SEC61A2: variants seen among roughly 807,000 people sequenced by gnomAD.
The protein encoded by SEC61A2 is SEC61 translocon subunit alpha 2.
In SEC61A2, 28 loss-of-function variants were observed where a neutral mutation model predicts 59.9. The observed-to-expected ratio is 0.47, with a 90% CI of 0.35 to 0.64. SEC61A2 has a LOEUF of 0.64. Ranked by LOEUF, SEC61A2 falls within the 30% of genes least tolerant of loss-of-function variation. SEC61A2 has a pLI of 0.01. For synonymous variants in SEC61A2, 202 were observed against 214.4 expected (o/e 0.94, Z 0.50); for missense variants, 340 against 585.9 (o/e 0.58, Z 4.33).
chr10:12,164,470 A>C lies in SEC61A2; in HGVS notation c.*16A>C, dbSNP rs1834614906. ...GTTTTTCTAAATGTTCAAATATTTC[A>C]TTTTGTGCGTGTGAAAGGGAAAACA... On this transcript the variant is annotated 3_prime_UTR_variant, in exon 12 of 12. Transcript: ENST00000298428. This position sits in a 1 kb window ranked among gnomAD's most constrained non-coding sequence, Gnocchi z 7.3. The C allele has an allele frequency of 6.2e-7, 1 of 1,607,142 alleles. No individual in the cohort carries two copies. Among genetic ancestry groups the C allele is most frequent in the Admixed American group, 1.7e-5 (1 of 59,002 alleles).
At chr10:12,135,623 A>G (rs1205402112) in intron 2 of SEC61A2, among the ~76,000 whole-genome samples, 3 of 152,112 alleles carry the variant, frequency 2.0e-5, no homozygotes, top group Non-Finnish European at 2.9e-5. Context: ...CCACCCCTGT[A>G]CCCTTCGGAG....
chr10:12,146,742 T>C (rs1345378537), intron 4 of SEC61A2, among the ~76,000 whole-genome samples: 4 of 151,962 alleles, frequency 2.6e-5, no homozygotes, highest in Non-Finnish European at 5.9e-5. Flanking sequence ...ATGGTCTTGA[T>C]CTCCTGACCT....
Position 12,158,158 on chromosome 10 carries a change from A to G in SEC61A2, c.975+53A>G, listed in dbSNP as rs1043006522. 4.2e-6 allele frequency: 6 copies of G among 1,416,686 alleles called. No homozygotes were observed. In the African/African-American group the frequency reaches 5.8e-5, roughly 14 times the overall value. 87.8% of individuals were successfully genotyped at this position (1,416,686 alleles called of 1,614,324 possible). On this transcript the variant is annotated intron_variant, in intron 9 of 11. Coordinates refer to ENST00000298428, the MANE Select transcript of SEC61A2 (RefSeq NM_018144.4). The surrounding 1 kb of genome is among the most constrained non-coding windows in gnomAD (Gnocchi z 5.7). Reference sequence around the variant, plus strand: ...TATAGTTTATTATAATTTGCATTTCATGGTTGTATTTTTAATGGAATGAGG... The same window carrying G: ...TATAGTTTATTATAATTTGCATTTCGTGGTTGTATTTTTAATGGAATGAGG...
rs1834386676 is a variant in SEC61A2 at position 12,155,913 on chromosome 10, A to G, written c.598A>G (p.Thr200Ala). ...TIVWKAFSPT[T>A]INTGRGTEFE... ...TGTCTGGAAGGCCTTTAGTCCCACT[A>G]CCATTAACACTGGCAGAGGTACATC... The change falls in exon 7 of 12, where the codon ACC (threonine) becomes GCC (alanine). Residue 200 changes from threonine (T) to alanine (A), a missense_variant. By Grantham distance (58) the Thr-to-Ala change is moderately conservative (BLOSUM62 0). Transcript: ENST00000298428. The surrounding 1 kb of genome is among the most constrained non-coding windows in gnomAD (Gnocchi z 4.3). 6.2e-7 allele frequency: 1 copy of G among 1,614,206 alleles called. No individual in the cohort carries two copies. The highest frequency in any genetic ancestry group is 8.5e-7 in the Non-Finnish European group (1 of 1,180,034).
At position 12,136,122 on chromosome 10, in the gene SEC61A2, G is replaced by A; in HGVS notation, c.93G>A (p.Lys31=). 6.2e-7 allele frequency: 1 copy of A among 1,607,730 alleles called. No individual in the cohort carries two copies. The highest frequency in any genetic ancestry group is 8.5e-7 in the Non-Finnish European group (1 of 1,174,438). ...TTGTACAGATCCAGTTTAGAGAGAA[G>A]GTTCTGTGGACTGCTATAACGCTCT... ...KPERKIQFRE[K]VLWTAITLFI... is the part of the protein sequence containing the mutation. The change falls in exon 3 of 12, where the codon AAG becomes AAA. Residue 31 remains lysine, a synonymous_variant. Transcript: ENST00000298428.
rs780418628 is a variant in SEC61A2, at chr10:12,129,749, G to A, written c.-39G>A. 5 of 1,487,302 alleles carry A rather than the reference G, an allele frequency of 3.4e-6. No individual in the cohort carries two copies. Among genetic ancestry groups the A allele is most frequent in the Middle Eastern group, 1.9e-4 (1 of 5,364 alleles). The allele number at this position is 1,487,302 out of a possible 1,614,324, so 92.1% of individuals were successfully genotyped here. A position where few individuals can be genotyped will look rare whatever the true frequency, so the allele number is the denominator to read the frequency against. ...GCGGGAGTCGAGCGAAGGCAGCGCC[G>A]AGGCCGCGGTTTCCCCCTGGGCCTC... On this transcript the variant is annotated 5_prime_UTR_variant, in exon 1 of 12. Coordinates refer to ENST00000298428, the MANE Select transcript of SEC61A2 (RefSeq NM_018144.4). This position sits in a 1 kb window ranked among gnomAD's most constrained non-coding sequence, Gnocchi z 5.6.
intron 3 of SEC61A2, among the ~76,000 whole-genome samples, chr10:12,138,743 A>C (rs184860126): frequency 6.6e-6 from 1 of 152,382 alleles, no homozygotes; most frequent in East Asian, 1.9e-4. Context: ...TGAAGTTATC[A>C]CAGTTTATTC....
chr10:12,147,199 T>C (rs557488121), intron 4 of SEC61A2, among the ~76,000 whole-genome samples: 4 of 152,334 alleles, frequency 2.6e-5, no homozygotes, highest in African/African-American at 9.6e-5. Flanking sequence ...CTTAATAGTT[T>C]TATTTTAACC....
In SEC61A2 at chr10:12,139,264, C is replaced by T. The variant is rs116703119; in HGVS notation, c.141+3094C>T. Among the ~76,000 whole-genome samples the T allele has an allele frequency of 2.6e-3, 397 of 151,074 alleles. 1 individual carries two copies. The highest frequency in any genetic ancestry group is 9.1e-3 in the African/African-American group (376 of 41,248). On this transcript the variant is annotated intron_variant, in intron 3 of 11. Coordinates refer to ENST00000298428, the MANE Select transcript of SEC61A2 (RefSeq NM_018144.4). ...GGCGTGAGCCACCACGCCCGGCCCT[C>T]GGTTGCCCCATTTTGTATTTCCACC... is the stretch of plus-strand genomic sequence containing the variant.
intron 9 of SEC61A2, among the ~76,000 whole-genome samples, chr10:12,159,509 C>T (rs1030848706): frequency 2.0e-5 from 3 of 152,014 alleles, no homozygotes; most frequent in South Asian, 2.1e-4. Flanking sequence ...GGCAACATAG[C>T]GAGACCCCAT....
At chr10:12,144,273 G>A (rs1834089298) in intron 4 of SEC61A2, among the ~76,000 whole-genome samples, 1 of 152,148 alleles carries the variant, frequency 6.6e-6, no homozygotes, top group Non-Finnish European at 1.5e-5. Context: ...GAGCTCTGGA[G>A]GATTTGGTAG....
chr10:12,152,469 A>G lies in SEC61A2; in HGVS notation c.462+2508A>G, dbSNP rs1834299257. 3.3e-5 allele frequency among the ~76,000 whole-genome samples: 5 copies of G among 152,320 alleles called. No individual in the cohort carries two copies. The South Asian group carries it at 1.0e-3, about 32-fold the overall frequency. The stretch of plus-strand genomic sequence containing the variant: ...ATTTGGTAGAAGATACGTTTCCTTA[A>G]AGAATAACTGTCAGATGTGGTGGCT... On this transcript the variant is annotated intron_variant, in intron 6 of 11. Coordinates refer to ENST00000298428, the MANE Select transcript of SEC61A2 (RefSeq NM_018144.4). The surrounding 1 kb of genome is among the most constrained non-coding windows in gnomAD (Gnocchi z 5.5).
chr10:12,169,269 A>C, downstream of SEC61A2: 1 of 1,551,144 alleles, frequency 6.4e-7, no homozygotes, highest in Non-Finnish European at 8.7e-7. The surrounding 1 kb of genome is among the most constrained non-coding windows in gnomAD (Gnocchi z 4.8). Context: ...CCAAAAGTGA[A>C]GTTAAGAAGG....
chr10:12,160,786 G>C lies in SEC61A2; in HGVS notation c.976-144G>C. 3.3e-6 allele frequency: 2 copies of C among 612,648 alleles called. No homozygotes were observed. Among genetic ancestry groups the C allele is most frequent in the Admixed American group, 3.4e-5 (1 of 29,832 alleles). 38.0% of individuals were successfully genotyped at this position (612,648 alleles called of 1,614,324 possible). On this transcript the variant is annotated intron_variant, in intron 9 of 11. Coordinates refer to ENST00000298428, the MANE Select transcript of SEC61A2 (RefSeq NM_018144.4). The surrounding 1 kb of genome is among the most constrained non-coding windows in gnomAD (Gnocchi z 4.1). ...AGGAGTGAAGGTAGTAGACACAAAA[G>C]TACATTCTGAAACTACATAGAATGA...
chr10:12,150,019 T>C, intron 6 of SEC61A2, 58 bp downstream of exon 6: 1 of 1,145,008 alleles, frequency 8.7e-7, no homozygotes, highest in South Asian at 1.3e-5. Flanking sequence ...CCTTTTTCCT[T>C]TTCTAACAGT....
chr10:12,155,505 T>C lies in SEC61A2; in HGVS notation c.463-273T>C, dbSNP rs1834375933. On this transcript the variant is annotated intron_variant, in intron 6 of 11. Transcript: ENST00000298428. The surrounding 1 kb of genome is among the most constrained non-coding windows in gnomAD (Gnocchi z 4.3). ...TTTCAAACAGGCTTTATTTAAACAT[T>C]GCAAAAGAAACTATTCAGATAAGTG... is the stretch of plus-strand genomic sequence containing the variant. The C allele has an allele frequency of 1.4e-6, 1 of 707,418 alleles. No individual in the cohort carries two copies. The highest frequency in any genetic ancestry group is 2.3e-6 in the Non-Finnish European group (1 of 443,142). The allele number at this position is 707,418 out of a possible 1,614,324, so 43.8% of individuals were successfully genotyped here.
chr10:12,165,804 C>T (rs949290546), downstream of SEC61A2: 1 of 152,146 alleles, frequency 6.6e-6, no homozygotes, highest in African/African-American at 2.4e-5. Context: ...AATCGCAGGG[C>T]AAGGCAGATA....
At position 12,164,635 on chromosome 10, in the gene SEC61A2, T is replaced by C; in HGVS notation, c.*181T>C. 1 of 1,393,190 alleles carries C rather than the reference T, an allele frequency of 7.2e-7. No homozygotes were observed. Among genetic ancestry groups the C allele is most frequent in the South Asian group, 1.6e-5 (1 of 60,810 alleles). 86.3% of individuals were successfully genotyped at this position (1,393,190 alleles called of 1,614,324 possible). On this transcript the variant is annotated 3_prime_UTR_variant, in exon 12 of 12. Transcript: ENST00000298428. The surrounding 1 kb of genome is among the most constrained non-coding windows in gnomAD (Gnocchi z 7.3). ...GTGTGCAGCATTAGTACCCGCTGCC[T>C]TAAAACTCAAGTTTACATTATTCAT...
At chr10:12,167,660 T>C, downstream of SEC61A2, 1 of 1,580,728 alleles carries the variant, frequency 6.3e-7, no homozygotes, top group Middle Eastern at 1.7e-4. Context: ...GAAGAAGGCC[T>C]GGTGGTCTCG....
Sources: allele counts gnomAD v4.1 joint callset (sites outside exome capture counted in the v4.1 genomes callset), GRCh38; gene constraint gnomAD v4.1.1; non-coding constraint Gnocchi (gnomAD v3.1); transcripts MANE v1.5; gene names NCBI Gene and HGNC (gene_info 2026-07-23, HGNC 2026-07-21).